The following STT3A variants were observed in gnomAD, a reference collection of about 807,000 sequenced individuals.
STT3A encodes STT3 oligosaccharyltransferase complex catalytic subunit A, also known as dolichyl-diphosphooligosaccharide--protein glycosyltransferase subunit STT3A.
STT3A carries 34 observed loss-of-function variants against 89.2 expected under a neutral mutation model. The ratio of observed to expected loss-of-function variants is 0.38; its 90% confidence interval spans 0.29 to 0.51. The LOEUF is 0.51. Ranked by LOEUF, STT3A falls within the 20% of genes least tolerant of loss-of-function variation. The pLI, the probability that STT3A is intolerant of heterozygous loss-of-function variation, is 0.89. For missense variants in STT3A, 555 were observed against 889.5 expected (o/e 0.62, Z 4.78); for synonymous variants, 282 against 310.3 (o/e 0.91, Z 0.96).
Position 125,620,959 on chromosome 11 carries a change from A to AT in STT3A, c.*150dup. ...GTCTGGAAGTTTTGTCTTGGGCAGT[A>AT]TGGGCTGGGCCAAATGAAATGATTT... is the stretch of plus-strand genomic sequence containing the variant. On this transcript the variant is annotated 3_prime_UTR_variant, in exon 18 of 18. Transcript: ENST00000392708. 1.7e-6 allele frequency: 1 copy of AT among 577,432 alleles called. No homozygotes were observed. 35.8% of individuals were successfully genotyped at this position (577,432 alleles called of 1,614,324 possible).
At chr11:125,608,467 A>C (rs1939903306) in intron 9 of STT3A, 178 bp downstream of exon 9, 1 of 531,902 alleles carries the variant, frequency 1.9e-6, no homozygotes. Context: ...GGCGCCTGCC[A>C]CCGCGCCCGC....
rs1454578557 is a variant in STT3A, at chr11:125,621,480, G to A, written c.*670G>A. On this transcript the variant is annotated 3_prime_UTR_variant, in exon 18 of 18. Coordinates refer to ENST00000392708, the MANE Select transcript of STT3A (RefSeq NM_152713.5). Reference sequence around the variant, plus strand: ...GTGAAATTATTGGTTTATCAATGGAGAGGAAGAAACTCTTCCAGCATTACA... The same window carrying A: ...GTGAAATTATTGGTTTATCAATGGAAAGGAAGAAACTCTTCCAGCATTACA... The A allele has an allele frequency of 6.6e-6, 1 of 152,202 alleles. No individual in the cohort carries two copies. Among genetic ancestry groups the A allele is most frequent in the Non-Finnish European group, 1.5e-5 (1 of 68,044 alleles). 9.4% of individuals were successfully genotyped at this position (152,202 alleles called of 1,614,324 possible). A position where few individuals can be genotyped will look rare whatever the true frequency, so the allele number is the denominator to read the frequency against.
rs369590985 is a variant in STT3A at position 125,597,021 on chromosome 11, A to G, written c.89-38A>G. The stretch of plus-strand genomic sequence containing the variant: ...ACTATATCTGCTGTTCTTTCATGGC[A>G]CATTACCAATAAAATATTAACTCTC... On this transcript the variant is annotated intron_variant, in intron 2 of 17. Transcript: ENST00000392708. 2.2e-5 allele frequency: 35 copies of G among 1,607,936 alleles called. No individual in the cohort carries two copies. In the African/African-American group the frequency reaches 3.2e-4, roughly 15 times the overall value.
intron 7 of STT3A, 42 bp from the exon 8 acceptor site, chr11:125,606,259 G>A: frequency 6.4e-7 from 1 of 1,555,790 alleles, no homozygotes; most frequent in Non-Finnish European, 8.8e-7. Flanking sequence ...GTGGTCTGAG[G>A]AGGCATACTC....
At chr11:125,602,214 T>G (rs1161269059) in intron 3 of STT3A, 89 bp from the exon 4 acceptor site, 1 of 1,461,824 alleles carries the variant, frequency 6.8e-7, no homozygotes, top group Non-Finnish European at 9.3e-7. Flanking sequence ...AAACTGATTT[T>G]TCATTGAGTA....
rs1565349372 is a variant in STT3A at position 125,611,529 on chromosome 11, C to T, written c.1209+10C>T. 6.2e-7 allele frequency: 1 copy of T among 1,611,800 alleles called. No homozygotes were observed. Among genetic ancestry groups the T allele is most frequent in the African/African-American group, 1.3e-5 (1 of 74,960 alleles). On this transcript the variant is annotated intron_variant, in intron 11 of 17. Transcript: ENST00000392708. ...CTTTTCAGCTGTAATGGTGAGGATG[C>T]CCTCAGTCTGGTAGACTTTTTCACT...
chr11:125,608,075 C>T (rs752923948), intron 8 of STT3A, 34 bp from the exon 9 acceptor site: 17 of 1,537,406 alleles, frequency 1.1e-5, no homozygotes, highest in Admixed American at 8.6e-5. Context: ...ATTTTTTTTC[C>T]TTAGTATTAA....
intron 3 of STT3A, among the ~76,000 whole-genome samples, chr11:125,597,516 T>A (rs1044039619): frequency 6.6e-5 from 10 of 152,156 alleles, no homozygotes; most frequent in African/African-American, 2.4e-4. Flanking sequence ...TGCCTATCAC[T>A]TAAGATCTGG....
intron 3 of STT3A, among the ~76,000 whole-genome samples, chr11:125,598,488 A>G (rs144968118): frequency 1.4e-4 from 21 of 152,348 alleles, no homozygotes; most frequent in African/African-American, 4.3e-4. Context: ...TTGCAAATTT[A>G]TAATTTTGTT....
intron 11 of STT3A, 89 bp from the exon 12 acceptor site, chr11:125,612,503 C>T: frequency 7.0e-7 from 1 of 1,437,314 alleles, no homozygotes; most frequent in Non-Finnish European, 9.3e-7. Context: ...GATGAAAACC[C>T]CTAAATTGAT....
intron 4 of STT3A, 85 bp from the exon 5 acceptor site, chr11:125,602,718 A>G: frequency 4.5e-6 from 7 of 1,544,938 alleles, no homozygotes; most frequent in Non-Finnish European, 6.2e-6. Flanking sequence ...TTACATAGTC[A>G]CTTTATTGTA....
At position 125,613,964 on chromosome 11, in the gene STT3A, T is replaced by G; in HGVS notation, c.1555-123T>G. 1.3e-6 allele frequency: 1 copy of G among 776,284 alleles called. No homozygotes were observed. The highest frequency in any genetic ancestry group is 1.7e-5 in the South Asian group (1 of 60,094). 48.1% of individuals were successfully genotyped at this position (776,284 alleles called of 1,614,324 possible). ...TTTTCTGGTTTGACATGCATTACTTTGTGAAGAAATTGATTAGTTAGCCAG... is the reference window on the plus strand; with the variant it reads ...TTTTCTGGTTTGACATGCATTACTTGGTGAAGAAATTGATTAGTTAGCCAG... On this transcript the variant is annotated intron_variant, in intron 13 of 17. Transcript: ENST00000392708. The surrounding 1 kb of genome is among the most constrained non-coding windows in gnomAD (Gnocchi z 4.2).
chr11:125,608,872 C>G (rs187182687), intron 9 of STT3A, among the ~76,000 whole-genome samples: 113 of 151,894 alleles, frequency 7.4e-4, no homozygotes, highest in Non-Finnish European at 1.2e-3. Flanking sequence ...TCTTACCTTG[C>G]GAATCTTTCT....
chr11:125,601,054 C>T (rs528342898), intron 3 of STT3A, among the ~76,000 whole-genome samples: 73 of 152,198 alleles, frequency 4.8e-4, no homozygotes, highest in African/African-American at 1.7e-3. Context: ...TCCAAAGTGC[C>T]GGGCTTACAG....
intron 1 of STT3A, chr11:125,594,875 A>G (rs897657212): frequency 1.3e-5 from 2 of 152,200 alleles, no homozygotes; most frequent in Non-Finnish European, 2.9e-5. Context: ...GTTACAGAGA[A>G]GCCTTGAGAC....
chr11:125,602,462 A>G, intron 4 of STT3A, 38 bp downstream of exon 4: 1 of 1,522,292 alleles, frequency 6.6e-7, no homozygotes, highest in Non-Finnish European at 8.8e-7. Context: ...TTAAAAAAAA[A>G]ACAGAAATAT....
chr11:125,615,882 T>TA (rs1940164657), intron 15 of STT3A, among the ~76,000 whole-genome samples: 1 of 152,074 alleles, frequency 6.6e-6, no homozygotes, highest in Non-Finnish European at 1.5e-5. Context: ...ACTAAAAAAA[T>TA]ACAAAAATTA....
rs2847679 is a variant in STT3A at position 125,595,179 on chromosome 11, T to C, written c.-35-702T>C. 6.4e-3 allele frequency among the ~76,000 whole-genome samples: 973 copies of C among 151,470 alleles called. 10 individuals carry two copies. Among genetic ancestry groups the C allele is most frequent in the African/African-American group, 0.022 (927 of 41,266 alleles). On this transcript the variant is annotated intron_variant, in intron 1 of 17. Transcript: ENST00000392708. Reference sequence around the variant, plus strand: ...TTCACTTCTTCTTTTTTTTTTTTTTTCCTTTTTAAAGAGAGGAGGTCTGGC... The same window carrying C: ...TTCACTTCTTCTTTTTTTTTTTTTTCCCTTTTTAAAGAGAGGAGGTCTGGC...
At chr11:125,612,953 G>A in intron 12 of STT3A, 36 bp from the exon 13 acceptor site, 3 of 1,607,200 alleles carry the variant, frequency 1.9e-6, no homozygotes, top group Middle Eastern at 1.7e-4. Flanking sequence ...AATTTAGTTT[G>A]GTTAACTACA....
Sources: gnomAD v4.1 joint callset for allele counts (sites outside exome capture counted in the v4.1 genomes callset) on GRCh38, gnomAD v4.1.1 for gene constraint, Gnocchi (gnomAD v3.1) non-coding constraint, MANE v1.5 for transcripts, NCBI Gene and HGNC (gene_info 2026-07-23, HGNC 2026-07-21) for gene names.